The following EML1 variants were observed in gnomAD, a reference collection of about 807,000 sequenced individuals.
EML1 encodes the protein echinoderm microtubule-associated protein-like 1.
EML1 carries 27 observed loss-of-function variants against 110.4 expected under a neutral mutation model. The observed-to-expected ratio is 0.24, with a 90% CI of 0.18 to 0.34. EML1 has a LOEUF of 0.34. Among genes scored for constraint, EML1 ranks in the 10% least tolerant of loss-of-function variants. EML1 has a pLI of 1.00. For synonymous variants in EML1, 344 were observed against 385.8 expected (o/e 0.89, Z 1.27); for missense variants, 741 against 1,030.9 (o/e 0.72, Z 3.85).
rs531805444 is a variant in EML1 at position 99,917,157 on chromosome 14, G to A, written c.1753-625G>A. ...GTGAGCTTACCACTCAGCACGGGGA[G>A]TCAACTGAAGGGGCTGGGTTCTATA... On this transcript the variant is annotated intron_variant, in intron 15 of 21. Coordinates refer to ENST00000262233, the MANE Select transcript of EML1 (RefSeq NM_004434.3). Among the ~76,000 whole-genome samples, 46 of 152,324 alleles carry A rather than the reference G, an allele frequency of 3.0e-4. 2 individuals carry two copies. The highest frequency in any genetic ancestry group is 6.8e-3 in the Middle Eastern group (2 of 294).
intron 13 of EML1, 137 bp downstream of exon 13, chr14:99,911,713 A>T: frequency 1.0e-6 from 1 of 990,974 alleles, no homozygotes; most frequent in Non-Finnish European, 1.4e-6. Context: ...AATGTATTTT[A>T]TTAAAATCCT....
intron 17 of EML1, among the ~76,000 whole-genome samples, chr14:99,922,221 T>C (rs1447604610): frequency 1.3e-5 from 2 of 152,108 alleles, no homozygotes; most frequent in Admixed American, 1.3e-4. Flanking sequence ...GTTCAAGCGA[T>C]TCTTCTGCCT....
At chr14:99,770,634 A>G (rs1337780570), upstream of EML1, among the ~76,000 whole-genome samples, 1 of 152,108 alleles carries the variant, frequency 6.6e-6, no homozygotes, top group East Asian at 1.9e-4. Context: ...TCCATTTGTA[A>G]AACAGGGATG....
intron 17 of EML1, among the ~76,000 whole-genome samples, chr14:99,934,580 AT>A (rs1220124857): frequency 2.0e-5 from 3 of 152,178 alleles, no homozygotes; most frequent in Non-Finnish European, 4.4e-5. Context: ...CTGTACAAAT[AT>A]TGTCCAAGTG....
chr14:99,875,998 A>G (rs1313888849), intron 3 of EML1, among the ~76,000 whole-genome samples: 1 of 152,194 alleles, frequency 6.6e-6, no homozygotes, highest in Admixed American at 6.5e-5. Flanking sequence ...TATTCAGATA[A>G]TCACCCTGAG....
chr14:99,743,070 C>T (rs1188308503), intron 1 of EML1, among the ~76,000 whole-genome samples: 1 of 152,168 alleles, frequency 6.6e-6, no homozygotes, highest in Admixed American at 6.5e-5. Flanking sequence ...TTCAGTGCCC[C>T]TCACGGCGCC....
chr14:99,882,337 A>G (rs1442524726), intron 4 of EML1, among the ~76,000 whole-genome samples: 1 of 152,202 alleles, frequency 6.6e-6, no homozygotes, highest in Non-Finnish European at 1.5e-5. Context: ...AGCACGGTTC[A>G]TGTTAGATGT....
chr14:99,823,039 C>T (rs960857588), intron 1 of EML1, among the ~76,000 whole-genome samples: 3 of 152,064 alleles, frequency 2.0e-5, no homozygotes, highest in African/African-American at 2.4e-5. Context: ...CAAGCCTAAG[C>T]GCCGGGCCCT....
At chr14:99,790,775 G>A (rs1009461340), upstream of EML1, among the ~76,000 whole-genome samples, 11 of 152,118 alleles carry the variant, frequency 7.2e-5, no homozygotes, top group Admixed American at 2.0e-4. Flanking sequence ...TGTGCCAGGC[G>A]GGCGCAAGAG....
chr14:99,790,447 C>T (rs556904880), upstream of EML1, among the ~76,000 whole-genome samples: 207 of 152,204 alleles, frequency 1.4e-3, no homozygotes, highest in African/African-American at 4.7e-3. Flanking sequence ...AAGTCGTCCT[C>T]GCACCTCAGC....
At position 99,801,777 on chromosome 14, in the gene EML1, G is replaced by T. The variant is rs78561884; in HGVS notation, c.67+8234G>T. On this transcript the variant is annotated intron_variant, in intron 1 of 21. Transcript: ENST00000262233. Reference sequence around the variant, plus strand: ...CAGTTCTCATCTAGGCTAGGGTTGGGTTTGGTTTTGGCAGCAGACCTAAAG... The same window carrying T: ...CAGTTCTCATCTAGGCTAGGGTTGGTTTTGGTTTTGGCAGCAGACCTAAAG... Among the ~76,000 whole-genome samples the T allele has an allele frequency of 2.4e-4, 37 of 152,230 alleles. 1 individual carries two copies. The East Asian group carries it at 7.0e-3, about 29-fold the overall frequency.
chr14:99,904,884 C>T (rs1316772454), intron 9 of EML1, among the ~76,000 whole-genome samples: 1 of 152,156 alleles, frequency 6.6e-6, no homozygotes, highest in Non-Finnish European at 1.5e-5. Context: ...CTATGGTACC[C>T]CTCTTTATGA....
chr14:99,805,560 G>A (rs917000607), intron 1 of EML1, among the ~76,000 whole-genome samples: 4 of 151,894 alleles, frequency 2.6e-5, no homozygotes, highest in African/African-American at 9.7e-5. Context: ...CTGCAGCCTC[G>A]ACCTCCCCAG....
intron 3 of EML1, among the ~76,000 whole-genome samples, chr14:99,871,223 C>T (rs914033159): frequency 1.3e-5 from 2 of 152,188 alleles, no homozygotes; most frequent in African/African-American, 4.8e-5. Flanking sequence ...TCTCAAAGTG[C>T]TGGGATTACA....
intron 1 of EML1, among the ~76,000 whole-genome samples, chr14:99,835,567 T>C (rs914165667): frequency 6.6e-6 from 1 of 152,218 alleles, no homozygotes; most frequent in Admixed American, 6.5e-5. Flanking sequence ...CATCCCCTAC[T>C]TCCTTCTCCT....
intron 1 of EML1, among the ~76,000 whole-genome samples, chr14:99,767,043 T>C (rs1390330639): frequency 6.6e-6 from 1 of 152,176 alleles, no homozygotes; most frequent in Non-Finnish European, 1.5e-5. Context: ...CACCGCATAA[T>C]ATTTTTCCAT....
chr14:99,766,873 C>T (rs928784148), intron 1 of EML1, among the ~76,000 whole-genome samples: 11 of 152,086 alleles, frequency 7.2e-5, no homozygotes, highest in South Asian at 4.2e-4. Context: ...GAGGGTCGGC[C>T]GCTAATGGAG....
At chr14:99,872,841 C>G (rs1395522181) in intron 3 of EML1, among the ~76,000 whole-genome samples, 2 of 152,076 alleles carry the variant, frequency 1.3e-5, no homozygotes. Context: ...AATCAGAGTT[C>G]CAAATTAAAT....
upstream of EML1, chr14:99,793,329 G>A (rs2140231745): frequency 3.1e-6 from 3 of 982,280 alleles, no homozygotes; most frequent in South Asian, 9.1e-5. Flanking sequence ...CGGCGGGCCC[G>A]GGGTTGCCAT....
Sources: allele counts gnomAD v4.1 joint callset (sites outside exome capture counted in the v4.1 genomes callset), GRCh38; gene constraint gnomAD v4.1.1; transcripts MANE v1.5; gene names NCBI Gene and HGNC (gene_info 2026-07-23, HGNC 2026-07-21).